Variants in OTUD7A observed in about 807,000 individuals in gnomAD.
OTUD7A encodes the protein OTU domain-containing protein 7A.
Under a neutral mutation model 65.7 loss-of-function variants are expected in OTUD7A, and 12 were observed. The ratio of observed to expected loss-of-function variants is 0.18; its 90% CI spans 0.12 to 0.30. OTUD7A has a LOEUF of 0.30. OTUD7A is among the 10% of genes least tolerant of loss of function. OTUD7A has a pLI of 1.00. For synonymous variants in OTUD7A, 641 were observed against 586.3 expected (o/e 1.09, Z -1.35); for missense variants, 1,148 against 1,304.8 (o/e 0.88, Z 1.85).
At chr15:31,860,677 G>GTATGTATATATA in intron 1 of OTUD7A, among the ~76,000 whole-genome samples, 1 of 73,284 alleles carries the variant, frequency 1.4e-5, no homozygotes, top group African/African-American at 4.6e-5. Flanking sequence ...ATGTATGTGT[G>GTATGTATATATA]TATATATATA....
At chr15:31,489,863 G>A (rs1157368005) in intron 10 of OTUD7A, among the ~76,000 whole-genome samples, 6 of 152,220 alleles carry the variant, frequency 3.9e-5, no homozygotes, top group African/African-American at 1.2e-4. Context: ...TCCAGTGCAC[G>A]GTGGGAATAC....
chr15:31,694,579 G>A (rs1893031798), intron 1 of OTUD7A, among the ~76,000 whole-genome samples: 2 of 152,048 alleles, frequency 1.3e-5, no homozygotes, highest in South Asian at 4.1e-4. Context: ...TATTTATCCT[G>A]CCTAAATGAA....
chr15:31,686,513 T>C (rs1892840337), intron 1 of OTUD7A, among the ~76,000 whole-genome samples: 1 of 152,234 alleles, frequency 6.6e-6, no homozygotes, highest in South Asian at 2.1e-4. Context: ...ACTCCTCCCA[T>C]AACCTTTGGG....
chr15:31,757,530 A>C (rs189856854), intron 1 of OTUD7A, among the ~76,000 whole-genome samples: 4 of 152,128 alleles, frequency 2.6e-5, no homozygotes, highest in African/African-American at 7.2e-5. Context: ...ACATAAATAC[A>C]TAAATCAATG....
At chr15:31,521,843 G>A (rs945330134) in intron 8 of OTUD7A, among the ~76,000 whole-genome samples, 1 of 152,142 alleles carries the variant, frequency 6.6e-6, no homozygotes, top group African/African-American at 2.4e-5. Context: ...TCCCCCAAAC[G>A]GTCCCTCTTG....
intron 1 of OTUD7A, among the ~76,000 whole-genome samples, chr15:31,714,449 G>T (rs1893530881): frequency 6.6e-6 from 1 of 152,106 alleles, no homozygotes; most frequent in South Asian, 2.1e-4. Context: ...AAGGCTCAAG[G>T]GGGCAGATGC....
chr15:31,772,208 C>T (rs375798270), intron 1 of OTUD7A, among the ~76,000 whole-genome samples: 10 of 148,586 alleles, frequency 6.7e-5, no homozygotes, highest in African/African-American at 2.2e-4. Context: ...GCCGAGATCC[C>T]GCCACTGCAC....
chr15:31,758,793 T>A (rs1894882678), intron 1 of OTUD7A, among the ~76,000 whole-genome samples: 1 of 152,102 alleles, frequency 6.6e-6, no homozygotes, highest in Non-Finnish European at 1.5e-5. Context: ...TCAGAAATCA[T>A]CAAATCTCCA....
rs575618487 is a variant in OTUD7A, at chr15:31,732,899, T to C, written c.-99-75822A>G. 4.6e-5 allele frequency among the ~76,000 whole-genome samples: 7 copies of C among 152,366 alleles called. No homozygotes were observed. The South Asian group carries it at 1.2e-3, about 27-fold the overall frequency. On this transcript the variant is annotated intron_variant, in intron 1 of 12. Coordinates refer to ENST00000307050, the MANE Select transcript of OTUD7A (RefSeq NM_001382637.1). The stretch of plus-strand genomic sequence containing the variant: ...GCATTCCTTTGGATATCAGTCTCCA[T>C]GTTTTGCTAGGGTTGCAAAAAATCT...
intron 3 of OTUD7A, among the ~76,000 whole-genome samples, chr15:31,627,241 T>G (rs1242067333): frequency 2.0e-5 from 1 of 50,548 alleles, no homozygotes; most frequent in Non-Finnish European, 3.9e-5. Flanking sequence ...CCCTCCCCCC[T>G]CCCCCCACCC....
chr15:31,656,200 C>T (rs34091869), intron 2 of OTUD7A, among the ~76,000 whole-genome samples: 17 of 152,196 alleles, frequency 1.1e-4, no homozygotes, highest in Admixed American at 3.9e-4. Flanking sequence ...TAGCAGCTGA[C>T]TGCTGGGGAA....
chr15:31,690,018 A>G (rs1213531971), intron 1 of OTUD7A, among the ~76,000 whole-genome samples: 1 of 152,222 alleles, frequency 6.6e-6, no homozygotes, highest in East Asian at 1.9e-4. Context: ...TTTTGAGGCC[A>G]TTTATTTTAT....
intron 8 of OTUD7A, among the ~76,000 whole-genome samples, chr15:31,510,557 C>T (rs1476016406): frequency 1.8e-5 from 2 of 112,870 alleles, no homozygotes; most frequent in African/African-American, 6.6e-5. Flanking sequence ...CTATATGTAA[C>T]ATACATATGT....
chr15:31,584,028 G>C (rs2141187760), intron 3 of OTUD7A, among the ~76,000 whole-genome samples: 1 of 152,334 alleles, frequency 6.6e-6, no homozygotes, highest in East Asian at 1.9e-4. Flanking sequence ...TGTCAGTGCA[G>C]GCAAATCAAC....
At chr15:31,782,359 C>T (rs1448633210) in intron 1 of OTUD7A, among the ~76,000 whole-genome samples, 1 of 152,182 alleles carries the variant, frequency 6.6e-6, no homozygotes, top group African/African-American at 2.4e-5. Flanking sequence ...CTGGAAAGCC[C>T]AGAGGTGGCA....
intron 1 of OTUD7A, among the ~76,000 whole-genome samples, chr15:31,675,589 C>T (rs970794472): frequency 2.6e-5 from 4 of 152,008 alleles, no homozygotes; most frequent in African/African-American, 4.8e-5. Context: ...CTTATCAGAC[C>T]TAATAATGAA....
At chr15:31,703,330 A>G (rs1425181546) in intron 1 of OTUD7A, among the ~76,000 whole-genome samples, 2 of 152,214 alleles carry the variant, frequency 1.3e-5, no homozygotes, top group South Asian at 2.1e-4. Context: ...TTTGCAAACC[A>G]TGTATCTGAC....
chr15:31,621,277 C>T (rs7166884), intron 3 of OTUD7A, among the ~76,000 whole-genome samples: 50,356 of 151,882 alleles, frequency 0.33, 11,053 homozygotes, highest in African/African-American at 0.62. Flanking sequence ...TAGATGTCTA[C>T]TAGGTCTGCC....
chr15:31,559,827 C>A (rs1424434497), intron 4 of OTUD7A, among the ~76,000 whole-genome samples: 1 of 152,180 alleles, frequency 6.6e-6, no homozygotes, highest in Non-Finnish European at 1.5e-5. Flanking sequence ...CACACGTACA[C>A]ATACATGTGT....
Sources: allele counts gnomAD v4.1 joint callset (sites outside exome capture counted in the v4.1 genomes callset), GRCh38; gene constraint gnomAD v4.1.1; transcripts MANE v1.5; gene names NCBI Gene and HGNC (gene_info 2026-07-23, HGNC 2026-07-21).